ANO4: variants seen among roughly 807,000 people sequenced by gnomAD.
The protein encoded by ANO4 is anoctamin 4.
Under a neutral mutation model 141.9 loss-of-function variants are expected in ANO4, and 69 were observed. The ratio of observed to expected loss-of-function variants is 0.49; its 90% CI spans 0.40 to 0.59. The LOEUF is 0.59. ANO4 is among the 20% of genes least tolerant of loss of function. The pLI, the probability that ANO4 is intolerant of heterozygous loss-of-function variation, is 0.00. For synonymous variants in ANO4, 350 were observed against 394.3 expected, an observed-to-expected ratio of 0.89 and a Z score of 1.33; for missense variants, 894 against 1,162.2, an observed-to-expected ratio of 0.77 and a Z score of 3.36.
At chr12:100,905,039 G>C (rs1593705611) in intron 2 of ANO4, among the ~76,000 whole-genome samples, 1 of 152,160 alleles carries the variant, frequency 6.6e-6, no homozygotes. Flanking sequence ...AGTGAAATCA[G>C]CTGAGATGGA....
At position 101,017,120 on chromosome 12, in the gene ANO4, TAA is replaced by T. The variant is rs1377832749; in HGVS notation, c.735-2913_735-2912del. 3.9e-5 allele frequency among the ~76,000 whole-genome samples: 6 copies of T among 152,202 alleles called. 1 individual carries two copies. The highest frequency in any genetic ancestry group is 1.4e-4 in the African/African-American group (6 of 41,534). On this transcript the variant is annotated intron_variant, in intron 8 of 27. Coordinates refer to ENST00000392977, the MANE Select transcript of ANO4 (RefSeq NM_001286615.2). ...TAATAAAGACACACCCAAGACTGGG[TAA>T]TTTATAAAGGAAAGGAGGTTTAATG...
chr12:101,039,827 G>C, intron 10 of ANO4, 128 bp from the exon 11 acceptor site: 1 of 1,032,652 alleles, frequency 9.7e-7, no homozygotes, highest in East Asian at 2.5e-5. Flanking sequence ...CCCTTTAATA[G>C]AGAGGATTCA....
At chr12:100,821,338 G>T (rs1292205409) in intron 1 of ANO4, among the ~76,000 whole-genome samples, 1 of 152,006 alleles carries the variant, frequency 6.6e-6, no homozygotes, top group East Asian at 1.9e-4. Context: ...TTCTCTTAGT[G>T]CTATTTGTTA....
At chr12:101,004,376 GA>G (rs111436739) in intron 8 of ANO4, among the ~76,000 whole-genome samples, 12,703 of 152,086 alleles carry the variant, frequency 0.084, 653 homozygotes, top group Middle Eastern at 0.16. Context: ...TGGGGCAACG[GA>G]GTGAGCCTAG....
intron 1 of ANO4, among the ~76,000 whole-genome samples, chr12:100,861,050 C>G (rs1226599007): frequency 1.3e-5 from 2 of 152,158 alleles, no homozygotes; most frequent in Non-Finnish European, 2.9e-5. Context: ...AGAGAGTTGC[C>G]GCTGCTGGCT....
At chr12:101,062,604 G>A (rs1157601375) in intron 14 of ANO4, among the ~76,000 whole-genome samples, 1 of 152,206 alleles carries the variant, frequency 6.6e-6, no homozygotes, top group Non-Finnish European at 1.5e-5. Flanking sequence ...AATCTAGAGA[G>A]GCAGTCTGGC....
At chr12:101,077,657 G>A (rs1223788966) in intron 14 of ANO4, among the ~76,000 whole-genome samples, 1 of 151,988 alleles carries the variant, frequency 6.6e-6, no homozygotes, top group African/African-American at 2.4e-5. Flanking sequence ...TGCCCCAGGA[G>A]GCCTGGGGAA....
At chr12:101,065,429 A>G (rs1424172460) in intron 14 of ANO4, among the ~76,000 whole-genome samples, 7 of 152,196 alleles carry the variant, frequency 4.6e-5, no homozygotes, top group South Asian at 2.1e-4. Context: ...AAAAGGAGAC[A>G]TTACAACTGA....
At chr12:100,950,122 C>A (rs1339410499) in intron 5 of ANO4, among the ~76,000 whole-genome samples, 1 of 152,102 alleles carries the variant, frequency 6.6e-6, no homozygotes, top group Admixed American at 6.6e-5. Context: ...AACATCCTCC[C>A]TTCCTTCACA....
At chr12:100,939,250 T>C in intron 3 of ANO4, 65 bp from the exon 4 acceptor site, 1 of 1,509,510 alleles carries the variant, frequency 6.6e-7, no homozygotes, top group Non-Finnish European at 9.1e-7. Context: ...ATGTTTTCTC[T>C]TTTAGCATTG....
At chr12:100,764,220 T>C (rs1416306897) in intron 3 of ANO4, among the ~76,000 whole-genome samples, 1 of 152,186 alleles carries the variant, frequency 6.6e-6, no homozygotes, top group Non-Finnish European at 1.5e-5. Context: ...TAATATACAG[T>C]GCAATATGGC....
At chr12:100,902,088 A>C (rs2040620984) in intron 2 of ANO4, among the ~76,000 whole-genome samples, 1 of 152,190 alleles carries the variant, frequency 6.6e-6, no homozygotes, top group Admixed American at 6.5e-5. Flanking sequence ...CTAAATGAAA[A>C]TCAGAGTGCA....
chr12:101,116,851 G>A, intron 25 of ANO4, 53 bp downstream of exon 25: 1 of 1,612,334 alleles, frequency 6.2e-7, no homozygotes, highest in Non-Finnish European at 8.5e-7. Flanking sequence ...CTCCACCGTG[G>A]GGAGGTTTTA....
At chr12:101,091,394 G>A (rs1038175673) in intron 17 of ANO4, among the ~76,000 whole-genome samples, 5 of 152,124 alleles carry the variant, frequency 3.3e-5, no homozygotes, top group African/African-American at 1.2e-4. Flanking sequence ...TTACACTCCT[G>A]TCCCCTGAGG....
intron 3 of ANO4, among the ~76,000 whole-genome samples, chr12:100,925,021 A>G (rs2041804944): frequency 6.6e-6 from 1 of 152,124 alleles, no homozygotes; most frequent in African/African-American, 2.4e-5. Context: ...ACTTGACTTT[A>G]AAATGCAAAT....
intron 5 of ANO4, among the ~76,000 whole-genome samples, chr12:100,961,682 G>A (rs1026567349): frequency 1.4e-4 from 21 of 152,096 alleles, no homozygotes; most frequent in Admixed American, 9.2e-4. Flanking sequence ...ATCAACATAC[G>A]AATTATTGAG....
chr12:100,728,843 TAG>T (rs2031252113), intron 1 of ANO4, among the ~76,000 whole-genome samples: 2 of 152,084 alleles, frequency 1.3e-5, no homozygotes, highest in Admixed American at 1.3e-4. Context: ...AATATACATG[TAG>T]ACAAGTGAGG....
chr12:100,769,108 A>G (rs1267145766), intron 3 of ANO4, among the ~76,000 whole-genome samples: 1 of 152,182 alleles, frequency 6.6e-6, no homozygotes, highest in Non-Finnish European at 1.5e-5. Flanking sequence ...TATTCACACA[A>G]TCATTTTTCA....
chr12:101,089,162 C>A (rs1416634391), intron 17 of ANO4, among the ~76,000 whole-genome samples: 1 of 152,046 alleles, frequency 6.6e-6, no homozygotes, highest in Non-Finnish European at 1.5e-5. Flanking sequence ...TTTAAACAAT[C>A]CTGAGTTCCA....
Sources: allele counts gnomAD v4.1 joint callset (sites outside exome capture counted in the v4.1 genomes callset), GRCh38; gene constraint gnomAD v4.1.1; transcripts MANE v1.5; gene names NCBI Gene and HGNC (gene_info 2026-07-23, HGNC 2026-07-21).